NPAS3: variants seen among roughly 807,000 people sequenced by gnomAD.
NPAS3 encodes neuronal PAS domain protein 3.
In NPAS3, 14 loss-of-function variants were observed where a neutral mutation model predicts 73.1. The observed-to-expected ratio is 0.19, with a 90% confidence interval of 0.13 to 0.30. The LOEUF (loss-of-function observed/expected upper bound fraction) is 0.30, where lower values mean the gene tolerates loss of function less well. Ranked by LOEUF, NPAS3 falls within the 10% of genes least tolerant of loss-of-function variation. NPAS3 has a pLI of 1.00. For missense variants in NPAS3, 1,096 were observed against 1,250.0 expected (o/e 0.88, Z 1.86); for synonymous variants, 620 against 541.5 (o/e 1.14, Z -2.01).
At chr14:33,187,798 G>A (rs2046033469) in intron 2 of NPAS3, among the ~76,000 whole-genome samples, 1 of 151,758 alleles carries the variant, frequency 6.6e-6, no homozygotes, top group African/African-American at 2.4e-5. Flanking sequence ...TTTATGCTGG[G>A]CAGTTTTCTA....
At chr14:33,346,828 C>G (rs895944839) in intron 3 of NPAS3, among the ~76,000 whole-genome samples, 1 of 152,120 alleles carries the variant, frequency 6.6e-6, no homozygotes, top group South Asian at 2.1e-4. Context: ...ATATCCTTAC[C>G]TCATCTGGGC....
At chr14:33,123,465 G>A (rs1432576695) in intron 2 of NPAS3, among the ~76,000 whole-genome samples, 2 of 152,100 alleles carry the variant, frequency 1.3e-5, no homozygotes, top group Non-Finnish European at 2.9e-5. Flanking sequence ...TATGCCACCT[G>A]GTCCAGGCAT....
intron 5 of NPAS3, among the ~76,000 whole-genome samples, chr14:33,657,528 C>T (rs986893218): frequency 1.4e-5 from 2 of 145,682 alleles, no homozygotes; most frequent in Admixed American, 6.9e-5. Flanking sequence ...CCAACTATGA[C>T]ATTTTTGATA....
At chr14:33,646,233 G>A (rs1215160524) in intron 5 of NPAS3, among the ~76,000 whole-genome samples, 1 of 152,056 alleles carries the variant, frequency 6.6e-6, no homozygotes, top group African/African-American at 2.4e-5. Flanking sequence ...AAATACCTAG[G>A]CTATGTTCAT....
At chr14:33,668,357 G>GTAAT (rs1363830167) in intron 5 of NPAS3, among the ~76,000 whole-genome samples, 1 of 152,218 alleles carries the variant, frequency 6.6e-6, no homozygotes, top group South Asian at 2.1e-4. Context: ...ATTTGGATGT[G>GTAAT]TAATTGTTAT....
At chr14:33,290,694 A>G (rs953162027) in intron 3 of NPAS3, among the ~76,000 whole-genome samples, 1 of 152,206 alleles carries the variant, frequency 6.6e-6, no homozygotes, top group Non-Finnish European at 1.5e-5. Context: ...TTAAAATTGC[A>G]TGTTGAATTT....
In NPAS3 at chr14:33,171,690, G is replaced by A. The variant is rs76839280; in HGVS notation, c.141-43492G>A. On this transcript the variant is annotated intron_variant, in intron 2 of 11. Transcript: ENST00000356141. Reference sequence around the variant, plus strand: ...CAGCAATAAGCCTCTTTTCACTTTCGTATTATTTGTGTGTTCACTGACTGG... The same window carrying A: ...CAGCAATAAGCCTCTTTTCACTTTCATATTATTTGTGTGTTCACTGACTGG... 4.4e-4 allele frequency among the ~76,000 whole-genome samples: 67 copies of A among 152,170 alleles called. 1 individual carries two copies. The East Asian group carries it at 0.011, about 25-fold the overall frequency.
chr14:33,784,755 T>TA (rs1555333533), intron 9 of NPAS3, among the ~76,000 whole-genome samples: 1,638 of 125,062 alleles, frequency 0.013, 67 homozygotes, highest in African/African-American at 0.046. Context: ...ATTTTTTTTT[T>TA]TTTTTTTTTT....
intron 4 of NPAS3, among the ~76,000 whole-genome samples, chr14:33,465,792 T>C (rs1202394860): frequency 6.6e-6 from 1 of 152,208 alleles, no homozygotes; most frequent in Non-Finnish European, 1.5e-5. Flanking sequence ...TTTAATTCAG[T>C]ATAATATATG....
At chr14:33,448,949 T>TAC (rs1566913215) in intron 4 of NPAS3, among the ~76,000 whole-genome samples, 1 of 151,960 alleles carries the variant, frequency 6.6e-6, no homozygotes, top group East Asian at 1.9e-4. Flanking sequence ...AACCCTGATA[T>TAC]GTCTGTGGCC....
At chr14:33,335,043 C>CGTGTGT (rs59212032) in intron 3 of NPAS3, among the ~76,000 whole-genome samples, 2 of 146,950 alleles carry the variant, frequency 1.4e-5, no homozygotes, top group African/African-American at 5.1e-5. Flanking sequence ...TGTGTGTGTG[C>CGTGTGT]GTGTGTGTGT....
At chr14:32,971,481 C>T (rs2037422722) in intron 1 of NPAS3, among the ~76,000 whole-genome samples, 1 of 152,272 alleles carries the variant, frequency 6.6e-6, no homozygotes, top group East Asian at 1.9e-4. Flanking sequence ...CTTTGAAAAG[C>T]AGGACTGTAA....
chr14:33,201,452 C>G (rs1209480072), intron 2 of NPAS3, among the ~76,000 whole-genome samples: 1 of 152,156 alleles, frequency 6.6e-6, no homozygotes, highest in Non-Finnish European at 1.5e-5. Flanking sequence ...AGAAGTGAAG[C>G]TAAAGACTTA....
At chr14:33,066,626 G>C (rs1350246508) in intron 2 of NPAS3, among the ~76,000 whole-genome samples, 1 of 152,100 alleles carries the variant, frequency 6.6e-6, no homozygotes, top group East Asian at 1.9e-4. Context: ...AAATTTGCAG[G>C]ACATAAATGT....
intron 4 of NPAS3, among the ~76,000 whole-genome samples, chr14:33,446,691 T>C (rs1256238808): frequency 6.6e-6 from 1 of 152,236 alleles, no homozygotes; most frequent in East Asian, 1.9e-4. Context: ...CGTAATTCTA[T>C]TCTATTGCCT....
intron 9 of NPAS3, among the ~76,000 whole-genome samples, chr14:33,790,751 C>A (rs71419956): frequency 2.6e-5 from 4 of 152,196 alleles, no homozygotes; most frequent in Admixed American, 1.3e-4. Flanking sequence ...TCACCGCAAC[C>A]TCCGCCTCCC....
chr14:33,585,241 A>G (rs969461466), intron 5 of NPAS3, among the ~76,000 whole-genome samples: 4 of 152,172 alleles, frequency 2.6e-5, no homozygotes, highest in Non-Finnish European at 5.9e-5. Flanking sequence ...GGCGAAACTT[A>G]AAAGAAACAG....
At chr14:33,209,673 TCTC>T (rs2046959565) in intron 2 of NPAS3, among the ~76,000 whole-genome samples, 1 of 152,172 alleles carries the variant, frequency 6.6e-6, no homozygotes, top group South Asian at 2.1e-4. Flanking sequence ...AGTGCTGGGT[TCTC>T]CTAAGCAAAA....
At chr14:33,251,437 G>C (rs1268952885) in intron 3 of NPAS3, among the ~76,000 whole-genome samples, 2 of 152,060 alleles carry the variant, frequency 1.3e-5, no homozygotes. Context: ...GTTGCCTGGT[G>C]ATGTCTGCAC....
Sources: allele counts gnomAD v4.1 joint callset (sites outside exome capture counted in the v4.1 genomes callset), GRCh38; gene constraint gnomAD v4.1.1; transcripts MANE v1.5; gene names NCBI Gene and HGNC (gene_info 2026-07-23, HGNC 2026-07-21).